Variants in PPARD observed in about 807,000 individuals in gnomAD.
PPARD encodes peroxisome proliferator activated receptor delta.
A neutral mutation model predicts 39.5 loss-of-function variants in PPARD; 6 were observed. The ratio of observed to expected loss-of-function variants is 0.15; its 90% CI spans 0.08 to 0.30. PPARD has a LOEUF of 0.30. PPARD is among the 10% of genes least tolerant of loss of function. The pLI, the probability that PPARD is intolerant of heterozygous loss-of-function variation, is 1.00. For synonymous variants in PPARD, 210 were observed against 231.3 expected, an observed-to-expected ratio of 0.91 and a Z score of 0.83; for missense variants, 397 against 596.8, an observed-to-expected ratio of 0.67 and a Z score of 3.49.
intron 2 of PPARD, among the ~76,000 whole-genome samples, chr6:35,369,324 C>T (rs1240226296): frequency 2.6e-5 from 4 of 152,180 alleles, no homozygotes; most frequent in African/African-American, 9.7e-5. Context: ...ATAAAGTCCA[C>T]CTGTTGACAG....
chr6:35,371,043 A>G (rs1762456247), intron 2 of PPARD, among the ~76,000 whole-genome samples: 1 of 152,202 alleles, frequency 6.6e-6, no homozygotes, highest in South Asian at 2.1e-4. Context: ...TAACTTGGCC[A>G]AGCTCTCAAG....
Position 35,420,186 on chromosome 6 carries a change from G to A in PPARD, c.190G>A (p.Gly64Arg), listed in dbSNP as rs112959486. The part of the protein sequence containing the change: ...LLDQLQMGCD[G>R]ASCGSLNMEC... Reference sequence around the variant, plus strand: ...GGACCAACTGCAGATGGGCTGTGACGGGGCCTCATGCGGCAGCCTCAACAT... The same window carrying A: ...GGACCAACTGCAGATGGGCTGTGACAGGGCCTCATGCGGCAGCCTCAACAT... The change falls in exon 4 of 8, where the codon GGG becomes AGG. Residue 64 changes from glycine (G) to arginine (R), a missense_variant. Physicochemically the swap from Gly to Arg is moderately radical, Grantham distance 125. Transcript: ENST00000360694. 13 of 1,613,320 alleles carry A rather than the reference G, an allele frequency of 8.1e-6. No individual in the cohort carries two copies. Among genetic ancestry groups the A allele is most frequent in the African/African-American group, 8.0e-5 (6 of 74,878 alleles).
At chr6:35,423,130 C>G (rs1581675282) in intron 5 of PPARD, among the ~76,000 whole-genome samples, 1 of 150,148 alleles carries the variant, frequency 6.7e-6, no homozygotes, top group East Asian at 2.0e-4. Context: ...ACTCAGAAGG[C>G]TGAGGCGGGA....
At position 35,368,215 on chromosome 6, in the gene PPARD, A is replaced by G. The variant is rs1762304046; in HGVS notation, c.-102+21065A>G. ...TGTGTCTTAGGGAACCTTCCAAAAT[A>G]GGTTTGCTCTAGGGATTTGCTAGCT... On this transcript the variant is annotated intron_variant, in intron 2 of 7. Coordinates refer to ENST00000360694, the MANE Select transcript of PPARD (RefSeq NM_006238.5). 3.9e-5 allele frequency among the ~76,000 whole-genome samples: 6 copies of G among 152,238 alleles called. 1 individual carries two copies. In the South Asian group the frequency reaches 1.2e-3, roughly 32 times the overall value.
chr6:35,422,549 A>T (rs992835397), intron 5 of PPARD, among the ~76,000 whole-genome samples: 4 of 152,068 alleles, frequency 2.6e-5, no homozygotes, highest in African/African-American at 9.7e-5. Flanking sequence ...TCCCCTCAGT[A>T]CCTCTCTGAG....
intron 2 of PPARD, among the ~76,000 whole-genome samples, chr6:35,389,717 C>T (rs1022339436): frequency 6.6e-6 from 1 of 152,034 alleles, no homozygotes; most frequent in African/African-American, 2.4e-5. Context: ...TGTTATACCC[C>T]AATTATAAAT....
chr6:35,377,060 A>AC (rs1301389929), intron 2 of PPARD, among the ~76,000 whole-genome samples: 3 of 151,156 alleles, frequency 2.0e-5, no homozygotes, highest in African/African-American at 4.9e-5. Flanking sequence ...CCCATACCTG[A>AC]CCCACAGAGC....
intron 2 of PPARD, among the ~76,000 whole-genome samples, chr6:35,353,959 C>T (rs777836107): frequency 1.1e-4 from 16 of 152,200 alleles, no homozygotes; most frequent in Middle Eastern, 3.4e-3. Context: ...CACGGCTGGG[C>T]GCATGGCTCA....
At chr6:35,418,936 G>C (rs1765958464) in intron 3 of PPARD, among the ~76,000 whole-genome samples, 1 of 152,190 alleles carries the variant, frequency 6.6e-6, no homozygotes, top group East Asian at 1.9e-4. Context: ...GGAAGCTGGG[G>C]GAGTGGGGAG....
intron 2 of PPARD, among the ~76,000 whole-genome samples, chr6:35,367,487 CTGAT>C (rs1324388844): frequency 3.9e-5 from 6 of 152,188 alleles, no homozygotes; most frequent in African/African-American, 7.2e-5. Context: ...CATTCCCTAT[CTGAT>C]TGATGAGGAA....
At chr6:35,352,069 G>C (rs955156535) in intron 2 of PPARD, among the ~76,000 whole-genome samples, 1 of 151,244 alleles carries the variant, frequency 6.6e-6, no homozygotes, top group Admixed American at 6.6e-5. Context: ...AGGTCTCCCT[G>C]TGTTGTCCAG....
chr6:35,400,934 G>T (rs1764660360), intron 2 of PPARD, among the ~76,000 whole-genome samples: 1 of 152,166 alleles, frequency 6.6e-6, no homozygotes, highest in African/African-American at 2.4e-5. Flanking sequence ...GAGGGGCTTG[G>T]GTGTAGTTGT....
At chr6:35,372,376 A>C (rs545516573) in intron 2 of PPARD, among the ~76,000 whole-genome samples, 10 of 152,206 alleles carry the variant, frequency 6.6e-5, no homozygotes, top group Admixed American at 6.5e-4. Flanking sequence ...ACGGGGTTTC[A>C]CCATGTTGGC....
In PPARD at chr6:35,426,657, T is replaced by C. The variant is rs902689582; in HGVS notation, c.*578T>C. 6.3e-6 allele frequency: 1 copy of C among 159,238 alleles called. No homozygotes were observed. The highest frequency in any genetic ancestry group is 1.4e-5 in the Non-Finnish European group (1 of 72,334). The allele number at this position is 159,238 out of a possible 1,614,324, so 9.9% of individuals were successfully genotyped here. A position where few individuals can be genotyped will look rare whatever the true frequency, so the allele number is the denominator to read the frequency against. On this transcript the variant is annotated 3_prime_UTR_variant, in exon 8 of 8. Coordinates refer to ENST00000360694, the MANE Select transcript of PPARD (RefSeq NM_006238.5). ...AGGGAAGGCTAAGCATGGCCTGGAC[T>C]GACTGCAGCCCCCTATAGTCATGGG...
chr6:35,343,811 C>A (rs534905194), intron 1 of PPARD, among the ~76,000 whole-genome samples: 1 of 152,274 alleles, frequency 6.6e-6, no homozygotes, highest in Admixed American at 6.5e-5. Context: ...TTGTGTCTTT[C>A]CACTCTGGAT....
intron 1 of PPARD, among the ~76,000 whole-genome samples, chr6:35,343,702 C>T (rs1369360104): frequency 1.3e-5 from 2 of 152,232 alleles, no homozygotes; most frequent in Non-Finnish European, 2.9e-5. Context: ...GGGCTGTTGA[C>T]TTCCAGGAAC....
At chr6:35,420,005 G>A (rs1766031944) in intron 3 of PPARD, 122 bp from the exon 4 acceptor site, 1 of 1,207,920 alleles carries the variant, frequency 8.3e-7, no homozygotes, top group Non-Finnish European at 1.1e-6. Flanking sequence ...TCCTCAGAAA[G>A]GTTGACTCCC....
At chr6:35,362,791 A>G (rs1761995661) in intron 2 of PPARD, among the ~76,000 whole-genome samples, 1 of 152,096 alleles carries the variant, frequency 6.6e-6, no homozygotes, top group Non-Finnish European at 1.5e-5. Flanking sequence ...GGGGCCAGAC[A>G]TAGGGGAGAA....
intron 2 of PPARD, among the ~76,000 whole-genome samples, chr6:35,357,767 C>T (rs1761704217): frequency 6.6e-6 from 1 of 151,184 alleles, no homozygotes; most frequent in South Asian, 2.1e-4. Flanking sequence ...AAACTCCTGA[C>T]CTCTAGTGAT....
Sources: allele counts gnomAD v4.1 joint callset (sites outside exome capture counted in the v4.1 genomes callset), GRCh38; gene constraint gnomAD v4.1.1; transcripts MANE v1.5; gene names NCBI Gene and HGNC (gene_info 2026-07-23, HGNC 2026-07-21).